RUFY3: variants seen among roughly 807,000 people sequenced by gnomAD.
RUFY3 encodes the protein protein RUFY3.
Under a neutral mutation model 84.0 loss-of-function variants are expected in RUFY3, and 34 were observed. The ratio of observed to expected loss-of-function variants is 0.40; its 90% CI spans 0.31 to 0.54. RUFY3 has a LOEUF of 0.54. Ranked by LOEUF, RUFY3 falls within the 20% of genes least tolerant of loss-of-function variation. The pLI, the probability that RUFY3 is intolerant of heterozygous loss-of-function variation, is 0.39. For synonymous variants in RUFY3, 242 were observed against 252.9 expected (o/e 0.96, Z 0.41); for missense variants, 507 against 736.8 (o/e 0.69, Z 3.61).
rs1326397615 is a variant in RUFY3, at chr4:70,806,735, T to C, written c.*76T>C. ...CTGTGTTTTAGCTGTCAGGATCTCATAGAGCCCAGTTCTTAGAGTCAACTA... is the reference window on the plus strand; with the variant it reads ...CTGTGTTTTAGCTGTCAGGATCTCACAGAGCCCAGTTCTTAGAGTCAACTA... On this transcript the variant is annotated 3_prime_UTR_variant, in exon 18 of 18. Coordinates refer to ENST00000381006, the MANE Select transcript of RUFY3 (RefSeq NM_001037442.4). The C allele has an allele frequency of 1.9e-6, 3 of 1,540,250 alleles. No individual in the cohort carries two copies. The highest frequency in any genetic ancestry group is 2.7e-6 in the Non-Finnish European group (3 of 1,126,022).
chr4:70,800,885 TA>T lies in RUFY3; in HGVS notation c.1622+690del, dbSNP rs888986570. On this transcript the variant is annotated intron_variant, in intron 15 of 17. Transcript: ENST00000381006. ...CAATACAGTGAGACTCTGTCTCAAA[TA>T]AAAAAAAAAGTTCAAATAAGTACTC... 1.4e-4 allele frequency among the ~76,000 whole-genome samples: 21 copies of T among 148,946 alleles called. No homozygotes were observed. The South Asian group carries it at 1.7e-3, about 12-fold the overall frequency.
intron 1 of RUFY3, among the ~76,000 whole-genome samples, chr4:70,710,446 G>C (rs192162390): frequency 6.6e-6 from 1 of 152,222 alleles, no homozygotes; most frequent in African/African-American, 2.4e-5. Flanking sequence ...CAAGGCAGGC[G>C]GATCACCTGA....
chr4:70,790,678 T>G (rs1207394550), intron 12 of RUFY3, among the ~76,000 whole-genome samples: 1 of 152,360 alleles, frequency 6.6e-6, no homozygotes, highest in South Asian at 2.1e-4. Flanking sequence ...TCTTTATATA[T>G]GTCTCCTCCG....
At chr4:70,757,328 G>A (rs978721757) in intron 1 of RUFY3, among the ~76,000 whole-genome samples, 2 of 151,980 alleles carry the variant, frequency 1.3e-5, no homozygotes, top group African/African-American at 2.4e-5. Context: ...TTCTGGGCCG[G>A]GCGCGGTGGT....
At chr4:70,770,717 G>A (rs968482031) in intron 5 of RUFY3, among the ~76,000 whole-genome samples, 2 of 152,128 alleles carry the variant, frequency 1.3e-5, no homozygotes, top group African/African-American at 4.8e-5. Context: ...TTCATGAGTA[G>A]CACTTAATTC....
chr4:70,733,097 A>G (rs1332621456), intron 1 of RUFY3, among the ~76,000 whole-genome samples: 6 of 62,240 alleles, frequency 9.6e-5, no homozygotes, highest in South Asian at 1.7e-3. Flanking sequence ...GAGAGAGAGG[A>G]GAGAGAGAGA....
At chr4:70,792,396 T>A (rs1560565660) in intron 12 of RUFY3, 2 of 970,928 alleles carry the variant, frequency 2.1e-6, no homozygotes, top group Non-Finnish European at 2.4e-6. Context: ...AGTACAAAAA[T>A]AGATTCCCAG....
In RUFY3 at chr4:70,725,993, G is replaced by A. The variant is rs1362972225; in HGVS notation, c.178+3242G>A. Among the ~76,000 whole-genome samples the A allele has an allele frequency of 2.6e-5, 4 of 152,300 alleles. No individual in the cohort carries two copies. The East Asian group carries it at 7.7e-4, about 29-fold the overall frequency. On this transcript the variant is annotated intron_variant, in intron 1 of 17. Transcript: ENST00000381006. ...AAAAGCTACTGGTGCTTTATGTCTG[G>A]GAGTAACATAAAATAAGATTTGTGT...
intron 15 of RUFY3, among the ~76,000 whole-genome samples, 157 bp downstream of exon 15, chr4:70,800,362 C>T (rs536076477): frequency 5.9e-5 from 9 of 152,184 alleles, no homozygotes; most frequent in East Asian, 1.9e-4. Context: ...AATAATAAAA[C>T]GTATAACATG....
At chr4:70,778,592 T>C (rs1011877214) in intron 8 of RUFY3, among the ~76,000 whole-genome samples, 154 bp downstream of exon 8, 2 of 148,498 alleles carry the variant, frequency 1.3e-5, no homozygotes, top group African/African-American at 5.0e-5. Context: ...TTTTTTTTTT[T>C]TTTTGAGATG....
At chr4:70,725,869 TC>T (rs1040103289) in intron 1 of RUFY3, among the ~76,000 whole-genome samples, 1 of 152,146 alleles carries the variant, frequency 6.6e-6, no homozygotes, top group African/African-American at 2.4e-5. Context: ...ACAGAGGGCT[TC>T]TGTTTGGCAC....
At chr4:70,723,699 C>CA (rs1454111396) in intron 1 of RUFY3, among the ~76,000 whole-genome samples, 1 of 151,764 alleles carries the variant, frequency 6.6e-6, no homozygotes, top group Non-Finnish European at 1.5e-5. Context: ...TGAAAAAAAA[C>CA]AAAAAACGCT....
At chr4:70,792,121 C>T (rs1730924014) in intron 12 of RUFY3, 1 of 985,506 alleles carries the variant, frequency 1.0e-6, no homozygotes, top group Non-Finnish European at 1.2e-6. Context: ...AAACACTCCT[C>T]TCCTATTAAC....
Position 70,783,867 on chromosome 4 carries a change from A to C in RUFY3, c.987+684A>C, listed in dbSNP as rs138869247. On this transcript the variant is annotated intron_variant, in intron 9 of 17. Coordinates refer to ENST00000381006, the MANE Select transcript of RUFY3 (RefSeq NM_001037442.4). ...TTTTTTTCCTGTCTTTTACGTATTC[A>C]ATAGCATCTCTTACTTTTTACTGAT... 2.1e-3 allele frequency among the ~76,000 whole-genome samples: 316 copies of C among 152,238 alleles called. 1 individual carries two copies. The highest frequency in any genetic ancestry group is 7.4e-3 in the African/African-American group (306 of 41,560).
chr4:70,763,722 C>A, intron 3 of RUFY3, 53 bp downstream of exon 3: 2 of 1,575,702 alleles, frequency 1.3e-6, no homozygotes, highest in South Asian at 2.4e-5. Context: ...TATTAACTAT[C>A]CCTTGAAGAG....
At chr4:70,707,710 CA>C (rs200493720) in intron 1 of RUFY3, among the ~76,000 whole-genome samples, 1,643 of 137,392 alleles carry the variant, frequency 0.012, 18 homozygotes, top group African/African-American at 0.026. Context: ...TTCATATTAG[CA>C]AAAAAAAAAA....
In RUFY3 at chr4:70,808,490, A is replaced by AAAT. The variant is rs1329490345; in HGVS notation, c.*1832_*1834dup. ...ATATCCTGGAACCATGTTTTTTAAT[A>AAAT]AATTCTGTCTCTTGGAAAGAGTTAA... On this transcript the variant is annotated 3_prime_UTR_variant, in exon 18 of 18. Coordinates refer to ENST00000381006, the MANE Select transcript of RUFY3 (RefSeq NM_001037442.4). Among the ~76,000 whole-genome samples the AAAT allele has an allele frequency of 1.3e-5, 2 of 152,218 alleles. No homozygotes were observed. The highest frequency in any genetic ancestry group is 2.9e-5 in the Non-Finnish European group (2 of 68,042).
rs1467724594 is a variant in RUFY3, at chr4:70,808,115, C to T, written c.*1456C>T. On this transcript the variant is annotated 3_prime_UTR_variant, in exon 18 of 18. Coordinates refer to ENST00000381006, the MANE Select transcript of RUFY3 (RefSeq NM_001037442.4). ...TATACCTAATAAAATACCTACACATCACTTCATTTGCATGGATTCAACATA... is the reference window on the plus strand; with the variant it reads ...TATACCTAATAAAATACCTACACATTACTTCATTTGCATGGATTCAACATA... Among the ~76,000 whole-genome samples, 1 of 152,196 alleles carries T rather than the reference C, an allele frequency of 6.6e-6. No individual in the cohort carries two copies. The highest frequency in any genetic ancestry group is 1.5e-5 in the Non-Finnish European group (1 of 68,034).
chr4:70,750,439 T>C (rs1401311981), intron 1 of RUFY3, among the ~76,000 whole-genome samples: 1 of 152,234 alleles, frequency 6.6e-6, no homozygotes, highest in African/African-American at 2.4e-5. Flanking sequence ...TATGTCTTTT[T>C]ATAGTTGGTT....
Sources: gnomAD v4.1 joint callset for allele counts (sites outside exome capture counted in the v4.1 genomes callset) on GRCh38, gnomAD v4.1.1 for gene constraint, MANE v1.5 for transcripts, NCBI Gene and HGNC (gene_info 2026-07-23, HGNC 2026-07-21) for gene names.